SLC1A4: variants seen among roughly 807,000 people sequenced by gnomAD.
The protein encoded by SLC1A4 is solute carrier family 1 member 4, also known as neutral amino acid transporter A.
A neutral mutation model predicts 37.7 loss-of-function variants in SLC1A4; 19 were observed. That is an observed-to-expected ratio of 0.50 (90% CI 0.35 to 0.74). The LOEUF (loss-of-function observed/expected upper bound fraction) is 0.74. SLC1A4 is among the 30% of genes least tolerant of loss of function. The pLI, the probability that SLC1A4 is intolerant of heterozygous loss-of-function variation, is 0.01. For missense variants in SLC1A4, 570 were observed against 712.9 expected (o/e 0.80, Z 2.28); for synonymous variants, 299 against 309.8 (o/e 0.97, Z 0.37).
intron 3 of SLC1A4, among the ~76,000 whole-genome samples, chr2:65,005,579 G>A (rs1199181338): frequency 3.3e-5 from 5 of 152,112 alleles, no homozygotes; most frequent in African/African-American, 7.2e-5. Flanking sequence ...GACACTTTCC[G>A]ACGTTATTTC....
chr2:65,001,135 T>C (rs1673442023), intron 1 of SLC1A4: 1 of 271,376 alleles, frequency 3.7e-6, no homozygotes, highest in Non-Finnish European at 6.9e-6. Flanking sequence ...GTTAGGGTGC[T>C]TAAATCAAGC....
At chr2:65,006,134 A>G (rs1162527190) in intron 3 of SLC1A4, among the ~76,000 whole-genome samples, 1 of 152,228 alleles carries the variant, frequency 6.6e-6, no homozygotes, top group African/African-American at 2.4e-5. Context: ...ACCTGTGAGC[A>G]TCCACCTCAG....
intron 3 of SLC1A4, 146 bp from the exon 4 acceptor site, chr2:65,010,451 T>C (rs1673871728): frequency 1.5e-6 from 1 of 679,732 alleles, no homozygotes. Context: ...TACCCCTTTA[T>C]TTGCAGAATT....
intron 1 of SLC1A4, among the ~76,000 whole-genome samples, chr2:64,997,785 T>A (rs1412801415): frequency 2.6e-5 from 4 of 152,216 alleles, no homozygotes; most frequent in Non-Finnish European, 5.9e-5. Context: ...TGCAGGCATA[T>A]ATTTTTATAT....
In SLC1A4 at chr2:64,999,779, G is replaced by A. The variant is rs141829131; in HGVS notation, c.528-1669G>A. 2.0e-5 allele frequency: 3 copies of A among 151,838 alleles called. No homozygotes were observed. In the South Asian group the frequency reaches 6.2e-4, roughly 32 times the overall value. 9.4% of individuals were successfully genotyped at this position (151,838 alleles called of 1,614,324 possible). On this transcript the variant is annotated intron_variant, in intron 1 of 7. Transcript: ENST00000234256. ...TCTCGTGGGCCTTTCTAACATAGCA[G>A]CTTGCTTCATCAAAGTATGCAAGCA...
In SLC1A4 at chr2:65,003,985, C is replaced by A. The variant is rs766489399; in HGVS notation, c.603C>A (p.Asn201Lys). 1 of 1,613,762 alleles carries A rather than the reference C, an allele frequency of 6.2e-7. No homozygotes were observed. The highest frequency in any genetic ancestry group is 8.5e-7 in the Non-Finnish European group (1 of 1,179,802). The change falls in exon 3 of 8, where the codon AAC becomes AAA. Residue 201 changes from asparagine (N) to lysine (K), a missense_variant. By Grantham distance (94) the Asn-to-Lys change is moderately conservative (BLOSUM62 0). Coordinates refer to ENST00000234256, the MANE Select transcript of SLC1A4 (RefSeq NM_003038.5). ...CCGATTATAAAGTCGTGACCCAGAACAGCAGCTCTGGAAATGTAACCCATG... is the reference window on the plus strand; with the variant it reads ...CCGATTATAAAGTCGTGACCCAGAAAAGCAGCTCTGGAAATGTAACCCATG... ...YATDYKVVTQNSSSGNVTHEK... is the reference protein window; with the variant it reads ...YATDYKVVTQKSSSGNVTHEK...
intron 4 of SLC1A4, 150 bp downstream of exon 4, chr2:65,010,913 G>T (rs1337152040): frequency 1.3e-6 from 1 of 761,486 alleles, no homozygotes; most frequent in African/African-American, 1.8e-5. Context: ...TGGTACAGGG[G>T]ATGATGGAAG....
intron 1 of SLC1A4, among the ~76,000 whole-genome samples, chr2:64,992,354 T>A (rs1673090463): frequency 6.6e-6 from 1 of 152,216 alleles, no homozygotes; most frequent in Non-Finnish European, 1.5e-5. Context: ...CCCCTTCACC[T>A]CCTGCTTCTG....
Position 65,016,805 on chromosome 2 carries a change from A to AT in SLC1A4, c.1034+139dup, listed in dbSNP as rs1264498712. ...GAAAACTCTAAATCGGTCTTCTGTT[A>AT]TTTTTTTGTTTTTTCTTCTTTAAGA... On this transcript the variant is annotated intron_variant, in intron 5 of 7. Coordinates refer to ENST00000234256, the MANE Select transcript of SLC1A4 (RefSeq NM_003038.5). 3.9e-5 allele frequency: 26 copies of AT among 669,814 alleles called. No individual in the cohort carries two copies. The East Asian group carries it at 6.2e-4, about 16-fold the overall frequency. 41.5% of individuals were successfully genotyped at this position (669,814 alleles called of 1,614,324 possible).
At chr2:65,015,031 A>G (rs146183725) in intron 4 of SLC1A4, among the ~76,000 whole-genome samples, 3,024 of 152,330 alleles carry the variant, frequency 0.02, 37 homozygotes, top group African/African-American at 0.03. Context: ...CTCATGCTCC[A>G]ATGTGGATGA....
intron 4 of SLC1A4, among the ~76,000 whole-genome samples, chr2:65,012,875 C>T (rs1357875193): frequency 3.9e-5 from 6 of 152,144 alleles, no homozygotes; most frequent in Non-Finnish European, 8.8e-5. Context: ...CCTATCTCTA[C>T]AAAATATAAA....
chr2:64,989,623 C>T lies in SLC1A4; in HGVS notation c.-21C>T. 1.4e-6 allele frequency: 2 copies of T among 1,477,360 alleles called. No individual in the cohort carries two copies. The highest frequency in any genetic ancestry group is 1.8e-6 in the Non-Finnish European group (2 of 1,120,212). 91.5% of individuals were successfully genotyped at this position (1,477,360 alleles called of 1,614,324 possible). On this transcript the variant is annotated 5_prime_UTR_variant, in exon 1 of 8. Transcript: ENST00000234256. ...AGCCCACGTCCCCTGCCACCTCTAGCTCGGAGCGGCGTGTAGCGCCATGGA... is the reference window on the plus strand; with the variant it reads ...AGCCCACGTCCCCTGCCACCTCTAGTTCGGAGCGGCGTGTAGCGCCATGGA...
chr2:65,017,660 T>C (rs1674208014), intron 5 of SLC1A4, among the ~76,000 whole-genome samples: 1 of 152,182 alleles, frequency 6.6e-6, no homozygotes, highest in African/African-American at 2.4e-5. Context: ...CACAGAGCCA[T>C]TTCTGGGTTT....
At position 65,018,740 on chromosome 2, in the gene SLC1A4, C is replaced by T; in HGVS notation, c.1364+61C>T. On this transcript the variant is annotated intron_variant, in intron 7 of 7. Coordinates refer to ENST00000234256, the MANE Select transcript of SLC1A4 (RefSeq NM_003038.5). This position sits in a 1 kb window ranked among gnomAD's most constrained non-coding sequence, Gnocchi z 4.3. The stretch of plus-strand genomic sequence containing the variant: ...TGCACTGAGTTCCCTAGGAGCTTAG[C>T]ACTGCTGGGCCTGGGCCATGCAGAG... 1.3e-6 allele frequency: 2 copies of T among 1,587,480 alleles called. No individual in the cohort carries two copies. The highest frequency in any genetic ancestry group is 1.7e-6 in the Non-Finnish European group (2 of 1,162,284).
chr2:64,996,382 A>T (rs1052310981), intron 1 of SLC1A4, among the ~76,000 whole-genome samples: 1 of 152,224 alleles, frequency 6.6e-6, no homozygotes, highest in Non-Finnish European at 1.5e-5. Context: ...ATTCAAGTAG[A>T]TCTCTCAGGA....
chr2:64,994,238 GT>G (rs1250246602), intron 1 of SLC1A4, among the ~76,000 whole-genome samples: 1 of 152,226 alleles, frequency 6.6e-6, no homozygotes, highest in Admixed American at 6.5e-5. Flanking sequence ...TGACATTCCG[GT>G]TTCTTTTTCC....
At position 65,016,347 on chromosome 2, in the gene SLC1A4, GCTGAAAGTCCCTGCATTCTGC is replaced by G. The variant is rs1674131943; in HGVS notation, c.801-90_801-70del. The G allele has an allele frequency of 3.1e-5, 31 of 985,246 alleles. 1 individual carries two copies. In the South Asian group the frequency reaches 4.2e-4, roughly 13 times the overall value. 61.0% of individuals were successfully genotyped at this position (985,246 alleles called of 1,614,324 possible). On this transcript the variant is annotated intron_variant, in intron 4 of 7. Coordinates refer to ENST00000234256, the MANE Select transcript of SLC1A4 (RefSeq NM_003038.5). ...CCTAGGGAGAGATGAAGACGGCCTG[GCTGAAAGTCCCTGCATTCTGC>G]CTCAGGAAGGACCTGCATCTCTCAC...
rs1673000845 is a variant in SLC1A4 at position 64,990,188 on chromosome 2, TCCCAGGG to T, written c.527+24_527+30del. ...CTGGCCAGGTAACACTCTCCACCTC[TCCCAGGG>T]CCCAGTGGGAGACGCCAGTTCTCGG... On this transcript the variant is annotated intron_variant, in intron 1 of 7. Transcript: ENST00000234256. 1 of 1,568,552 alleles carries T rather than the reference TCCCAGGG, an allele frequency of 6.4e-7. No homozygotes were observed. Among genetic ancestry groups the T allele is most frequent in the African/African-American group, 1.4e-5 (1 of 73,882 alleles).
intron 1 of SLC1A4, among the ~76,000 whole-genome samples, chr2:64,991,266 G>C (rs894913538): frequency 1.3e-5 from 2 of 150,910 alleles, no homozygotes; most frequent in Non-Finnish European, 3.0e-5. Context: ...GCACTTAAGA[G>C]AGAGATTGTT....
Sources: gnomAD v4.1 joint callset for allele counts (sites outside exome capture counted in the v4.1 genomes callset) on GRCh38, gnomAD v4.1.1 for gene constraint, Gnocchi (gnomAD v3.1) non-coding constraint, MANE v1.5 for transcripts, NCBI Gene and HGNC (gene_info 2026-07-23, HGNC 2026-07-21) for gene names.